SOX6: variants seen among roughly 807,000 people sequenced by gnomAD.
SOX6 encodes transcription factor SOX-6.
Under a neutral mutation model 97.8 loss-of-function variants are expected in SOX6, and 11 were observed. The observed-to-expected ratio is 0.11, with a 90% CI of 0.07 to 0.19. The LOEUF is 0.19. SOX6 is among the 10% of genes least tolerant of loss of function. The pLI is 1.00. For synonymous variants in SOX6, 360 were observed against 371.4 expected (o/e 0.97, Z 0.35); for missense variants, 810 against 1,039.5 (o/e 0.78, Z 3.04).
At chr11:16,417,894 T>C (rs899470504) in intron 1 of SOX6, among the ~76,000 whole-genome samples, 2 of 152,220 alleles carry the variant, frequency 1.3e-5, no homozygotes, top group African/African-American at 4.8e-5. Context: ...TTTCTCTGAG[T>C]TCATTCTGTA....
chr11:16,057,617 T>C (rs1014241095), intron 9 of SOX6, among the ~76,000 whole-genome samples: 7 of 152,190 alleles, frequency 4.6e-5, no homozygotes, highest in Non-Finnish European at 7.4e-5. Context: ...GCCTCTCTTG[T>C]ACTGGTGTCC....
chr11:16,462,646 A>G (rs1333220449), intron 1 of SOX6, among the ~76,000 whole-genome samples: 1 of 152,272 alleles, frequency 6.6e-6, no homozygotes, highest in Non-Finnish European at 1.5e-5. Flanking sequence ...AAAATTAATC[A>G]GCACAACTGG....
intron 11 of SOX6, among the ~76,000 whole-genome samples, chr11:16,049,277 C>A (rs187746048): frequency 6.6e-6 from 1 of 152,126 alleles, no homozygotes; most frequent in Non-Finnish European, 1.5e-5. Context: ...ATTATGACAT[C>A]TTTTCCTACA....
chr11:15,975,489 C>T lies in SOX6; in HGVS notation c.2184-2377G>A, dbSNP rs149585530. ...CATAAAAACACACTATCAAATGATA[C>T]GTTTCCTTTTCACAAAGAATAGATG... On this transcript the variant is annotated intron_variant, in intron 15 of 15. Coordinates refer to ENST00000683767, the MANE Select transcript of SOX6 (RefSeq NM_001367873.1). Among the ~76,000 whole-genome samples, 810 of 152,286 alleles carry T rather than the reference C, an allele frequency of 5.3e-3. 12 individuals carry two copies. The South Asian group carries it at 0.054, about 10-fold the overall frequency.
chr11:16,436,698 G>T (rs548095781), intron 1 of SOX6, among the ~76,000 whole-genome samples: 32 of 152,248 alleles, frequency 2.1e-4, no homozygotes, highest in Middle Eastern at 3.4e-3. Context: ...ACTTTACTGG[G>T]TTGTTGGAAG....
chr11:16,521,724 A>G (rs1307680031), intron 4 of SOX6, among the ~76,000 whole-genome samples: 1 of 152,136 alleles, frequency 6.6e-6, no homozygotes, highest in Non-Finnish European at 1.5e-5. Flanking sequence ...GAAGTTAAAA[A>G]CTTTGAAAAA....
At chr11:16,395,815 AG>A (rs1477417475) in intron 1 of SOX6, among the ~76,000 whole-genome samples, 4 of 151,828 alleles carry the variant, frequency 2.6e-5, no homozygotes, top group African/African-American at 9.7e-5. Flanking sequence ...GCATGACGAC[AG>A]GGAGATATAA....
chr11:16,676,369 T>G (rs577878294), intron 3 of SOX6, among the ~76,000 whole-genome samples: 1 of 152,326 alleles, frequency 6.6e-6, no homozygotes, highest in South Asian at 2.1e-4. Context: ...AAATAATTGA[T>G]ATAAAATCTT....
intron 4 of SOX6, among the ~76,000 whole-genome samples, chr11:16,594,190 A>G (rs1321907351): frequency 6.6e-6 from 1 of 152,192 alleles, no homozygotes; most frequent in Non-Finnish European, 1.5e-5. Flanking sequence ...TACCCAACAC[A>G]GGTTGTATAT....
At chr11:16,643,970 A>C (rs1036845646) in intron 3 of SOX6, among the ~76,000 whole-genome samples, 8 of 147,232 alleles carry the variant, frequency 5.4e-5, no homozygotes, top group African/African-American at 2.0e-4. Context: ...CCTCAGTTGG[A>C]AATGCAGAAA....
chr11:16,465,372 A>G (rs1177629795), intron 1 of SOX6, among the ~76,000 whole-genome samples: 2 of 152,168 alleles, frequency 1.3e-5, no homozygotes, highest in African/African-American at 4.8e-5. Context: ...ACTTACTACT[A>G]TGTCAGATAT....
At chr11:16,075,679 T>C (rs1848336849) in intron 9 of SOX6, among the ~76,000 whole-genome samples, 1 of 151,956 alleles carries the variant, frequency 6.6e-6, no homozygotes, top group East Asian at 1.9e-4. Flanking sequence ...GGGGGAGGGA[T>C]AGCGTTAGGA....
intron 1 of SOX6, among the ~76,000 whole-genome samples, chr11:16,348,365 C>T (rs1230132583): frequency 1.3e-5 from 2 of 152,102 alleles, no homozygotes; most frequent in East Asian, 3.9e-4. Flanking sequence ...TAATGCACAA[C>T]TAGTGATCAG....
chr11:16,045,207 T>C (rs1045651449), intron 12 of SOX6, among the ~76,000 whole-genome samples: 1 of 152,110 alleles, frequency 6.6e-6, no homozygotes, highest in Non-Finnish European at 1.5e-5. Flanking sequence ...TAGGGTACTA[T>C]GGAGATAATT....
intron 3 of SOX6, among the ~76,000 whole-genome samples, chr11:16,641,945 C>A (rs1362456244): frequency 6.6e-6 from 1 of 152,172 alleles, no homozygotes; most frequent in African/African-American, 2.4e-5. Flanking sequence ...TTGTTCCTGA[C>A]ATTATGATGT....
chr11:16,301,174 TA>T (rs1351026080), intron 3 of SOX6, among the ~76,000 whole-genome samples: 1 of 152,270 alleles, frequency 6.6e-6, no homozygotes, highest in East Asian at 1.9e-4. Flanking sequence ...AAAGAAAGAA[TA>T]ATAAAATGAG....
chr11:16,374,966 T>A (rs369902254), intron 1 of SOX6, among the ~76,000 whole-genome samples: 2 of 152,128 alleles, frequency 1.3e-5, no homozygotes, highest in African/African-American at 4.8e-5. Context: ...AGGAGACAAC[T>A]ACAGTCCAAA....
chr11:16,207,694 T>A (rs1852112905), intron 4 of SOX6, among the ~76,000 whole-genome samples: 1 of 151,812 alleles, frequency 6.6e-6, no homozygotes, highest in African/African-American at 2.4e-5. Flanking sequence ...GTGAACAAAA[T>A]AAACAAAAAT....
At chr11:16,489,220 C>CA (rs1290843986) in intron 4 of SOX6, among the ~76,000 whole-genome samples, 3 of 151,334 alleles carry the variant, frequency 2.0e-5, no homozygotes, top group Admixed American at 1.3e-4. Context: ...ATAAATTAAG[C>CA]AAAAAAAAGT....
Sources: gnomAD v4.1 joint callset for allele counts (sites outside exome capture counted in the v4.1 genomes callset) on GRCh38, gnomAD v4.1.1 for gene constraint, MANE v1.5 for transcripts, NCBI Gene and HGNC (gene_info 2026-07-23, HGNC 2026-07-21) for gene names.